The following VPS13B variants were observed in gnomAD, a reference collection of about 807,000 sequenced individuals.
The protein encoded by VPS13B is vacuolar protein sorting 13 homolog B.
VPS13B carries 285 observed loss-of-function variants against 426.4 expected under a neutral mutation model. That is an observed-to-expected ratio of 0.67 (90% confidence interval 0.61 to 0.74). VPS13B has a LOEUF of 0.74. VPS13B is among the 30% of genes least tolerant of loss of function. The probability of loss-of-function intolerance (pLI) is 0.00; values close to 1 mark genes in which losing one functional copy is unlikely to be tolerated. For missense variants in VPS13B, 4,537 were observed against 4,782.6 expected, an observed-to-expected ratio of 0.95 and a Z score of 1.51; for synonymous variants, 1,676 against 1,676.4, an observed-to-expected ratio of 1.00 and a Z score of 0.01.
intron 36 of VPS13B, among the ~76,000 whole-genome samples, chr8:99,701,390 A>G (rs999690551): frequency 3.9e-5 from 6 of 152,064 alleles, no homozygotes; most frequent in Non-Finnish European, 8.8e-5. Context: ...TACTATACTC[A>G]CTTTTAGGTG....
intron 2 of VPS13B, among the ~76,000 whole-genome samples, chr8:99,026,555 A>G (rs937195177): frequency 6.6e-6 from 1 of 152,194 alleles, no homozygotes; most frequent in Non-Finnish European, 1.5e-5. Flanking sequence ...CAAGTCCCCA[A>G]CTATTATTGT....
intron 56 of VPS13B, among the ~76,000 whole-genome samples, chr8:99,857,487 G>A (rs143468812): frequency 1.9e-3 from 296 of 152,308 alleles, no homozygotes; most frequent in African/African-American, 6.6e-3. Context: ...CTCCATGGAG[G>A]AATATTCCAC....
chr8:99,330,252 TATA>T (rs1810481059), intron 19 of VPS13B, among the ~76,000 whole-genome samples: 1 of 151,888 alleles, frequency 6.6e-6, no homozygotes, highest in Non-Finnish European at 1.5e-5. Context: ...TGATCATATA[TATA>T]ATATTAAAAA....
rs1219782050 is a variant in VPS13B, at chr8:99,520,957, T to C, written c.4692T>C (p.Ala1564=). Residue 1564 remains alanine, a synonymous_variant, in exon 30 of 62, where the codon GCT becomes GCC. Coordinates refer to ENST00000357162, the MANE Select transcript of VPS13B (RefSeq NM_152564.5). ...TGAAGATTGGCTCTGTTGCCATGGC[T>C]CCCCAGGCTGACAATCCCCTTGGCA... ...VVLKIGSVAM[A]PQADNPLGRS... is the part of the protein sequence containing the mutation. 1 of 1,613,750 alleles carries C rather than the reference T, an allele frequency of 6.2e-7. No homozygotes were observed. Among genetic ancestry groups the C allele is most frequent in the Non-Finnish European group, 8.5e-7 (1 of 1,179,724 alleles).
rs371269382 is a variant in VPS13B, at chr8:99,690,201, A to T, written c.6047-9324A>T. Among the ~76,000 whole-genome samples, 4 of 152,338 alleles carry T rather than the reference A, an allele frequency of 2.6e-5. No individual in the cohort carries two copies. In the South Asian group the frequency reaches 8.3e-4, roughly 32 times the overall value. ...CCCCAAATTCTACAAGTCAAAAATA[A>T]AAATAATGCCTTTCAACAAATGTTG... On this transcript the variant is annotated intron_variant, in intron 35 of 61. Coordinates refer to ENST00000357162, the MANE Select transcript of VPS13B (RefSeq NM_152564.5).
At chr8:99,582,571 G>A (rs1230916317) in intron 33 of VPS13B, among the ~76,000 whole-genome samples, 2 of 151,908 alleles carry the variant, frequency 1.3e-5, no homozygotes, top group Non-Finnish European at 2.9e-5. Flanking sequence ...TATAAATATT[G>A]TTCATTGCTT....
chr8:99,334,063 A>G (rs1423667573), intron 19 of VPS13B, among the ~76,000 whole-genome samples: 1 of 151,898 alleles, frequency 6.6e-6, no homozygotes, highest in Non-Finnish European at 1.5e-5. Flanking sequence ...ATATATTGTC[A>G]TTTCTATTGC....
chr8:99,809,224 A>G, intron 43 of VPS13B, 151 bp from the exon 44 acceptor site: 1 of 932,454 alleles, frequency 1.1e-6, no homozygotes, highest in Non-Finnish European at 1.7e-6. Context: ...CTGGTGGAAT[A>G]AGTTGGAAGT....
At chr8:99,209,850 G>A in intron 17 of VPS13B, 3 of 588,092 alleles carry the variant, frequency 5.1e-6, no homozygotes, top group Non-Finnish European at 6.4e-6. Context: ...AAATACTTCA[G>A]TTACAGAACT....
At chr8:99,734,840 C>T (rs991658653) in intron 39 of VPS13B, among the ~76,000 whole-genome samples, 3 of 151,974 alleles carry the variant, frequency 2.0e-5, no homozygotes, top group East Asian at 1.9e-4. Flanking sequence ...TTTCAATGCC[C>T]GGATGTGTAT....
At chr8:99,680,447 T>A (rs1042781299) in intron 35 of VPS13B, among the ~76,000 whole-genome samples, 1 of 152,208 alleles carries the variant, frequency 6.6e-6, no homozygotes, top group Non-Finnish European at 1.5e-5. Context: ...GATAGGAGCA[T>A]AAAATAAGTA....
At position 99,875,521 on chromosome 8, in the gene VPS13B, A is replaced by AAAT. The variant is rs1434456777; in HGVS notation, c.11851_11853dup (p.Ile3951dup). On this transcript the variant is annotated inframe_insertion, in exon 62 of 62. Coordinates refer to ENST00000357162, the MANE Select transcript of VPS13B (RefSeq NM_152564.5). Reference sequence around the variant, plus strand: ...CTGGCCCCCAGCTGTTCTTCCATGCAAATACCATGCCCTGTGGTGGCTGCA... The same window carrying AAAT: ...CTGGCCCCCAGCTGTTCTTCCATGCAAATAATACCATGCCCTGTGGTGGCTGCA... The AAAT allele has an allele frequency of 1.9e-6, 3 of 1,614,104 alleles. No homozygotes were observed. Among genetic ancestry groups the AAAT allele is most frequent in the Admixed American group, 1.7e-5 (1 of 60,034 alleles).
chr8:99,208,891 T>C (rs889306889), intron 17 of VPS13B, among the ~76,000 whole-genome samples: 1 of 152,204 alleles, frequency 6.6e-6, no homozygotes, highest in Non-Finnish European at 1.5e-5. Context: ...GTTTAAAAGC[T>C]GTTGAAGATA....
chr8:99,056,718 G>T lies in VPS13B; in HGVS notation c.291+18152G>T, dbSNP rs377444763. 1.5e-3 allele frequency among the ~76,000 whole-genome samples: 232 copies of T among 152,254 alleles called. 4 individuals carry two copies. The South Asian group carries it at 0.047, about 31-fold the overall frequency. On this transcript the variant is annotated intron_variant, in intron 3 of 61. Transcript: ENST00000357162. Reference sequence around the variant, plus strand: ...TTCCTCCATCCAGTGGAGGTGGCAGGGGGTGAAATGGACTCTGTGAGGGTC... The same window carrying T: ...TTCCTCCATCCAGTGGAGGTGGCAGTGGGTGAAATGGACTCTGTGAGGGTC...
intron 54 of VPS13B, among the ~76,000 whole-genome samples, chr8:99,844,287 C>A (rs1432526234): frequency 6.6e-6 from 1 of 152,022 alleles, no homozygotes; most frequent in African/African-American, 2.4e-5. Context: ...CTGGTGAGGA[C>A]CCACTTCCTA....
chr8:99,297,033 A>AT (rs1820078294), intron 19 of VPS13B, among the ~76,000 whole-genome samples: 1 of 151,928 alleles, frequency 6.6e-6, no homozygotes, highest in African/African-American at 2.4e-5. Flanking sequence ...AGGGGGAGGG[A>AT]TTTTTTGAAG....
At chr8:99,707,336 G>T (rs1454907647) in intron 36 of VPS13B, among the ~76,000 whole-genome samples, 1 of 152,086 alleles carries the variant, frequency 6.6e-6, no homozygotes, top group Admixed American at 6.5e-5. Flanking sequence ...GTGACATAAT[G>T]TATGCAGAAT....
intron 17 of VPS13B, among the ~76,000 whole-genome samples, chr8:99,267,698 G>T (rs557212412): frequency 6.6e-6 from 1 of 151,328 alleles, no homozygotes; most frequent in Non-Finnish European, 1.5e-5. Context: ...CTGCACTCCA[G>T]CCTGGCGACA....
At chr8:99,172,374 G>A (rs1812387549) in intron 16 of VPS13B, among the ~76,000 whole-genome samples, 1 of 152,124 alleles carries the variant, frequency 6.6e-6, no homozygotes, top group Non-Finnish European at 1.5e-5. Context: ...ATCTGAAAGA[G>A]CATACTATAT....
Sources: allele counts gnomAD v4.1 joint callset (sites outside exome capture counted in the v4.1 genomes callset), GRCh38; gene constraint gnomAD v4.1.1; transcripts MANE v1.5; gene names NCBI Gene and HGNC (gene_info 2026-07-23, HGNC 2026-07-21).